Variants in DPP10 observed in about 807,000 individuals in gnomAD.
DPP10 encodes the protein dipeptidyl peptidase like 10, also known as inactive dipeptidyl peptidase 10.
Under a neutral mutation model 120.9 loss-of-function variants are expected in DPP10, and 33 were observed. The ratio of observed to expected loss-of-function variants is 0.27; its 90% confidence interval spans 0.21 to 0.37. The LOEUF is 0.37. Ranked by LOEUF, DPP10 falls within the 10% of genes least tolerant of loss-of-function variation. The pLI, the probability that DPP10 is intolerant of heterozygous loss-of-function variation, is 1.00. For synonymous variants in DPP10, 337 were observed against 326.1 expected, an observed-to-expected ratio of 1.03 and a Z score of -0.36; for missense variants, 816 against 942.8, an observed-to-expected ratio of 0.87 and a Z score of 1.76.
At chr2:115,068,380 A>G (rs1333356872) in intron 1 of DPP10, among the ~76,000 whole-genome samples, 1 of 151,274 alleles carries the variant, frequency 6.6e-6, no homozygotes, top group Non-Finnish European at 1.5e-5. Flanking sequence ...TCTTTTGAGA[A>G]CTGTCTCTTC....
intron 1 of DPP10, among the ~76,000 whole-genome samples, chr2:114,841,818 G>T (rs1351255919): frequency 3.3e-5 from 5 of 152,100 alleles, no homozygotes; most frequent in Admixed American, 2.0e-4. Context: ...TCAGATTGAG[G>T]TTTCCAAGAC....
At chr2:114,625,630 A>G (rs967417016) in intron 1 of DPP10, among the ~76,000 whole-genome samples, 25 of 151,994 alleles carry the variant, frequency 1.6e-4, no homozygotes, top group African/African-American at 5.6e-4. Flanking sequence ...TGATACCTCA[A>G]TAGTCTCCAA....
At chr2:114,536,430 T>C (rs1686501156) in intron 1 of DPP10, among the ~76,000 whole-genome samples, 1 of 139,792 alleles carries the variant, frequency 7.2e-6, no homozygotes, top group South Asian at 2.3e-4. Flanking sequence ...TTTTGAGACG[T>C]AGTCTCGCTC....
chr2:114,502,942 C>T (rs1349809239), intron 1 of DPP10, among the ~76,000 whole-genome samples: 1 of 151,522 alleles, frequency 6.6e-6, no homozygotes, highest in African/African-American at 2.4e-5. Flanking sequence ...GCCCTTGCCA[C>T]AGCTTGAGAC....
rs1345997632 is a variant in DPP10 at position 115,798,493 on chromosome 2, T to C, written c.1700+7137T>C. 1.3e-5 allele frequency among the ~76,000 whole-genome samples: 2 copies of C among 152,078 alleles called. 1 individual carries two copies. Among genetic ancestry groups the C allele is most frequent in the East Asian group, 3.9e-4 (2 of 5,178 alleles). On this transcript the variant is annotated intron_variant, in intron 19 of 25. Coordinates refer to ENST00000410059, the MANE Select transcript of DPP10 (RefSeq NM_020868.6). Reference sequence around the variant, plus strand: ...TAATATATTCTTTCCTTTTGACTTATATATAAAAACAGTACATTATGAATC... The same window carrying C: ...TAATATATTCTTTCCTTTTGACTTACATATAAAAACAGTACATTATGAATC...
At chr2:115,356,314 G>A (rs2064384121) in intron 3 of DPP10, among the ~76,000 whole-genome samples, 1 of 151,968 alleles carries the variant, frequency 6.6e-6, no homozygotes, top group South Asian at 2.1e-4. Context: ...TCTCTATATA[G>A]AAGTTGTGAA....
intron 12 of DPP10, among the ~76,000 whole-genome samples, chr2:115,764,185 C>G (rs1680443855): frequency 6.6e-6 from 1 of 151,756 alleles, no homozygotes; most frequent in Non-Finnish European, 1.5e-5. Flanking sequence ...AATTGTAAAC[C>G]AAACGCCTAG....
At chr2:115,306,196 CT>C (rs1275556900) in intron 1 of DPP10, among the ~76,000 whole-genome samples, 1 of 151,990 alleles carries the variant, frequency 6.6e-6, no homozygotes, top group East Asian at 1.9e-4. Flanking sequence ...ATTTTAGGCA[CT>C]TTTCTTTCCA....
At chr2:114,481,959 GGAGAGA>G (rs145578051) in intron 1 of DPP10, among the ~76,000 whole-genome samples, 1 of 149,150 alleles carries the variant, frequency 6.7e-6, no homozygotes, top group Non-Finnish European at 1.5e-5. Flanking sequence ...GAGGAGGAGA[GGAGAGA>G]GAGAGAGAGG....
intron 5 of DPP10, among the ~76,000 whole-genome samples, chr2:115,611,961 A>G (rs1044186074): frequency 6.6e-6 from 1 of 152,174 alleles, no homozygotes. Flanking sequence ...CCTAACTCCC[A>G]GTTTGGCATA....
intron 1 of DPP10, among the ~76,000 whole-genome samples, chr2:115,240,795 T>C (rs1212804630): frequency 6.6e-6 from 1 of 152,228 alleles, no homozygotes; most frequent in East Asian, 1.9e-4. Flanking sequence ...ACAACAATCT[T>C]GTAAGATAAT....
chr2:115,711,870 C>A (rs1484648358), intron 7 of DPP10, among the ~76,000 whole-genome samples: 2 of 145,694 alleles, frequency 1.4e-5, no homozygotes, highest in Non-Finnish European at 3.0e-5. Flanking sequence ...CTTTAAAATG[C>A]ATTTTTAAGA....
chr2:115,459,642 C>G (rs2073860748), intron 3 of DPP10, among the ~76,000 whole-genome samples: 1 of 151,780 alleles, frequency 6.6e-6, no homozygotes, highest in Non-Finnish European at 1.5e-5. Context: ...TGACTACTCT[C>G]TAGGGATAAA....
intron 1 of DPP10, among the ~76,000 whole-genome samples, chr2:115,282,910 T>G (rs541420813): frequency 1.3e-3 from 191 of 152,220 alleles, no homozygotes; most frequent in Non-Finnish European, 2.2e-3. Flanking sequence ...ATAAGCACTG[T>G]TTTTGTCCCT....
At chr2:115,116,260 GT>G (rs1196369452) in intron 1 of DPP10, among the ~76,000 whole-genome samples, 1 of 152,072 alleles carries the variant, frequency 6.6e-6, no homozygotes, top group East Asian at 1.9e-4. Flanking sequence ...ATGAAACCAA[GT>G]TTTTTTCAGT....
intron 11 of DPP10, among the ~76,000 whole-genome samples, chr2:115,760,654 A>G (rs1680000254): frequency 6.6e-6 from 1 of 152,328 alleles, no homozygotes; most frequent in East Asian, 1.9e-4. Flanking sequence ...TAGTTAAATC[A>G]ACCACTTGAT....
chr2:115,148,513 G>T (rs888257868), intron 1 of DPP10, among the ~76,000 whole-genome samples: 2 of 152,144 alleles, frequency 1.3e-5, no homozygotes, highest in Admixed American at 6.6e-5. Context: ...CAATTTTATA[G>T]CTGTACATAC....
chr2:115,807,686 A>T (rs1050509311), intron 19 of DPP10, among the ~76,000 whole-genome samples: 3 of 136,886 alleles, frequency 2.2e-5, no homozygotes, highest in Non-Finnish European at 3.3e-5. Flanking sequence ...CTATTTCATT[A>T]AAAATAGAAG....
chr2:115,133,651 C>T (rs1307333351), intron 1 of DPP10, among the ~76,000 whole-genome samples: 2 of 152,086 alleles, frequency 1.3e-5, no homozygotes, highest in Non-Finnish European at 2.9e-5. Context: ...GGAAACGCAG[C>T]TCTTAACTGC....
Sources: gnomAD v4.1 joint callset for allele counts (sites outside exome capture counted in the v4.1 genomes callset) on GRCh38, gnomAD v4.1.1 for gene constraint, MANE v1.5 for transcripts, NCBI Gene and HGNC (gene_info 2026-07-23, HGNC 2026-07-21) for gene names.